MRPL55: variants seen among roughly 807,000 people sequenced by gnomAD.
MRPL55 encodes mitochondrial ribosomal protein L55.
In MRPL55, 7 loss-of-function variants were observed where a neutral mutation model predicts 10.6. That is an observed-to-expected ratio of 0.66 (90% CI 0.38 to 1.24). MRPL55 has a LOEUF of 1.24. MRPL55 is among the 50% of genes most tolerant of loss of function. MRPL55 has a pLI of 0.02. For missense variants in MRPL55, 148 were observed against 180.3 expected (o/e 0.82, Z 1.03); for synonymous variants, 57 against 71.8 (o/e 0.79, Z 1.04).
chr1:228,107,004 CT>C, intron 4 of MRPL55, 86 bp from the exon 5 acceptor site: 1 of 1,018,390 alleles, frequency 9.8e-7, no homozygotes, highest in Non-Finnish European at 1.5e-6. Flanking sequence ...TTCCTCTCAA[CT>C]TACGTCTTCC....
intron 3 of MRPL55, 129 bp from the exon 4 acceptor site, chr1:228,107,998 G>C: frequency 6.5e-7 from 1 of 1,545,660 alleles, no homozygotes. Flanking sequence ...ACCCGTGCCG[G>C]GGCAGGATGA....
chr1:228,107,635 G>C, intron 4 of MRPL55, 33 bp downstream of exon 4: 1 of 1,606,392 alleles, frequency 6.2e-7, no homozygotes, highest in Non-Finnish European at 8.5e-7. Context: ...ACCCCAGCCC[G>C]GCACCTGGAA....
chr1:228,108,647 T>C (rs186418998), intron 2 of MRPL55: 150 of 246,292 alleles, frequency 6.1e-4, no homozygotes, highest in African/African-American at 2.9e-3. Context: ...TCTAAGGTCA[T>C]TGCTAGTTTT....
Position 228,107,025 on chromosome 1 carries a change from T to C in MRPL55, c.229-107A>G, listed in dbSNP as rs565885468. On this transcript the variant is annotated intron_variant, in intron 4 of 4. Coordinates refer to ENST00000336520, the MANE Select transcript of MRPL55 (RefSeq NM_181463.3). ...TCAACTTACGTCTTCCATCCTATGC[T>C]AGCTTAATTTTCAAACATTCTTATT... is the stretch of plus-strand genomic sequence containing the variant. 45 of 786,770 alleles carry C rather than the reference T, an allele frequency of 5.7e-5. No individual in the cohort carries two copies. In the East Asian group the frequency reaches 1.1e-3, roughly 19 times the overall value. The allele number at this position is 786,770 out of a possible 1,614,324, so 48.7% of individuals were successfully genotyped here.
At chr1:228,106,952 A>G (rs2033182743) in intron 4 of MRPL55, 34 bp from the exon 5 acceptor site, 3 of 1,590,948 alleles carry the variant, frequency 1.9e-6, no homozygotes, top group South Asian at 2.3e-5. Context: ...GTCCATGTGG[A>G]TCGAGGGACC....
chr1:228,107,532 C>T (rs2033268019), intron 4 of MRPL55, 136 bp downstream of exon 4: 3 of 812,466 alleles, frequency 3.7e-6, no homozygotes, highest in African/African-American at 3.5e-5. Flanking sequence ...CCAACAACCA[C>T]CTGCTCCCCT....
Position 228,106,879 on chromosome 1 carries a change from G to C in MRPL55, c.268C>G (p.Arg90Gly). The change falls in exon 5 of 5, where the codon CGG becomes GGG. Residue 90 changes from arginine to glycine, a missense_variant. By Grantham distance (125) the Arg-to-Gly change is moderately radical (BLOSUM62 -2). Coordinates refer to ENST00000336520, the MANE Select transcript of MRPL55 (RefSeq NM_181463.3). Reference sequence around the variant, plus strand: ...GCCTCACGCTTCCGCAGCCTGGCCCGGCGCTCCTCAGGAGACAGGGTGTCC... The same window carrying C: ...GCCTCACGCTTCCGCAGCCTGGCCCCGCGCTCCTCAGGAGACAGGGTGTCC... ...DLDTLSPEER[R>G]ARLRKREAQL... 6.2e-7 allele frequency: 1 copy of C among 1,613,716 alleles called. No individual in the cohort carries two copies. The highest frequency in any genetic ancestry group is 8.5e-7 in the Non-Finnish European group (1 of 1,179,990).
Position 228,106,752 on chromosome 1 carries a change from A to G in MRPL55, c.*8T>C, listed in dbSNP as rs772608069. On this transcript the variant is annotated 3_prime_UTR_variant, in exon 5 of 5. Transcript: ENST00000336520. ...CTTAGCAATGTCCCGGGGTGGCTGGAGCCACGGTCACTTCTTGGTCCTGGT... is the reference window on the plus strand; with the variant it reads ...CTTAGCAATGTCCCGGGGTGGCTGGGGCCACGGTCACTTCTTGGTCCTGGT... The G allele has an allele frequency of 6.8e-6, 11 of 1,606,510 alleles. No individual in the cohort carries two copies. The South Asian group carries it at 1.2e-4, about 18-fold the overall frequency.
intron 2 of MRPL55, 101 bp downstream of exon 2, chr1:228,108,854 T>G (rs541941781): frequency 6.6e-6 from 1 of 150,668 alleles, no homozygotes; most frequent in South Asian, 2.0e-4. Context: ...GGCGTACCCC[T>G]GTCTCTCACC....
At chr1:228,108,640 A>T (rs1321260265) in intron 2 of MRPL55, 1 of 268,018 alleles carries the variant, frequency 3.7e-6, no homozygotes, top group Non-Finnish European at 7.2e-6. Flanking sequence ...CTTGCTTTCT[A>T]AGGTCATTGC....
intron 2 of MRPL55, 141 bp from the exon 3 acceptor site, chr1:228,108,459 G>A (rs1435317210): frequency 1.6e-6 from 1 of 618,686 alleles, no homozygotes. Context: ...GCAACCCTTG[G>A]ACTTCTCAGA....
rs964826089 is a variant in MRPL55 at position 228,106,700 on chromosome 1, C to T, written c.*60G>A. 5.2e-6 allele frequency: 8 copies of T among 1,541,190 alleles called. No individual in the cohort carries two copies. The African/African-American group carries it at 5.4e-5, about 10-fold the overall frequency. On this transcript the variant is annotated 3_prime_UTR_variant, in exon 5 of 5. Transcript: ENST00000336520. ...AGACTCCAGGTGGCAGCTTCAAGAA[C>T]GAGTGATTTAAGAACAGCCCTCCCA...
chr1:228,108,017 G>C lies in MRPL55; in HGVS notation c.27-148C>G, dbSNP rs1276570594. ...GTGCCGGGGCAGGATGAGCCTCGGGGCTTCCTCAGGAGCCACAGGCTGTGG... is the reference window on the plus strand; with the variant it reads ...GTGCCGGGGCAGGATGAGCCTCGGGCCTTCCTCAGGAGCCACAGGCTGTGG... On this transcript the variant is annotated intron_variant, in intron 3 of 4. Transcript: ENST00000336520. The C allele has an allele frequency of 1.9e-6, 3 of 1,544,468 alleles. No homozygotes were observed. In the Admixed American group the frequency reaches 5.9e-5, roughly 31 times the overall value.
intron 3 of MRPL55, 36 bp from the exon 4 acceptor site, chr1:228,107,905 G>T (rs1308083172): frequency 1.2e-6 from 2 of 1,606,962 alleles, no homozygotes; most frequent in African/African-American, 1.3e-5. Flanking sequence ...TCAGCCGACA[G>T]TGCTGCAGCA....
In MRPL55 at chr1:228,109,185, A is replaced by G. The variant is rs1207327965; in HGVS notation, c.-162T>C. On this transcript the variant is annotated 5_prime_UTR_variant, in exon 1 of 5. Transcript: ENST00000336520. ...ACAGTCGCTGCGGAGGGGTCTGAGGACAGGCGGTCCTGACTCCCGCTGCCC... is the reference window on the plus strand; with the variant it reads ...ACAGTCGCTGCGGAGGGGTCTGAGGGCAGGCGGTCCTGACTCCCGCTGCCC... 1 of 152,406 alleles carries G rather than the reference A, an allele frequency of 6.6e-6. No homozygotes were observed. The highest frequency in any genetic ancestry group is 6.5e-5 in the Admixed American group (1 of 15,290). The allele number at this position is 152,406 out of a possible 1,614,324, so 9.4% of individuals were successfully genotyped here.
intron 2 of MRPL55, chr1:228,108,544 G>A (rs2033448962): frequency 6.1e-6 from 3 of 491,866 alleles, no homozygotes; most frequent in Non-Finnish European, 1.1e-5. Context: ...CTGCGGCAGG[G>A]CCCAGGCTGT....
In MRPL55 at chr1:228,107,736, C is replaced by T. The variant is rs375497713; in HGVS notation, c.160G>A (p.Val54Met). ...GAGCCATCCTGCTTCACCAGCAGCA[C>T]GGGGTAGAGTCGTGCATAAGCCTGG... ...HRQAYARLYP[V>M]LLVKQDGSTI... Residue 54 changes from valine to methionine, a missense_variant, in exon 4 of 5, where the codon GTG becomes ATG. By Grantham distance (21) the Val-to-Met change is conservative. Transcript: ENST00000336520. 6.8e-6 allele frequency: 11 copies of T among 1,613,242 alleles called. No individual in the cohort carries two copies. The highest frequency in any genetic ancestry group is 2.7e-5 in the African/African-American group (2 of 75,072).
intron 4 of MRPL55, among the ~76,000 whole-genome samples, 179 bp from the exon 5 acceptor site, chr1:228,107,097 G>A (rs1188290265): frequency 1.3e-5 from 2 of 152,300 alleles, no homozygotes; most frequent in East Asian, 3.9e-4. Context: ...ATTGTTCTGT[G>A]TTTTCCCCAG....
At position 228,107,910 on chromosome 1, in the gene MRPL55, G is replaced by A. The variant is rs201351352; in HGVS notation, c.27-41C>T. The A allele has an allele frequency of 3.9e-5, 62 of 1,603,036 alleles. 1 individual carries two copies. The highest frequency in any genetic ancestry group is 1.7e-4 in the Middle Eastern group (1 of 6,044). On this transcript the variant is annotated intron_variant, in intron 3 of 4. Transcript: ENST00000336520. ...CAAGCTCTGGTCAGCCGACAGTGCT[G>A]CAGCAGAGTGCCAACATGACTGAGG...
Sources: gnomAD v4.1 joint callset for allele counts (sites outside exome capture counted in the v4.1 genomes callset) on GRCh38, gnomAD v4.1.1 for gene constraint, MANE v1.5 for transcripts, NCBI Gene and HGNC (gene_info 2026-07-23, HGNC 2026-07-21) for gene names.